Variants in PRKCB observed in about 807,000 individuals in gnomAD.
PRKCB encodes the protein protein kinase C beta type.
Under a neutral mutation model 81.5 loss-of-function variants are expected in PRKCB, and 13 were observed. The observed-to-expected ratio is 0.16, with a 90% confidence interval of 0.10 to 0.25. The LOEUF (loss-of-function observed/expected upper bound fraction) is 0.25, where lower values mean the gene tolerates loss of function less well. PRKCB is among the 10% of genes least tolerant of loss of function. The probability of loss-of-function intolerance (pLI) is 1.00; values close to 1 mark genes in which losing one functional copy is unlikely to be tolerated. For synonymous variants in PRKCB, 335 were observed against 321.4 expected, an observed-to-expected ratio of 1.04 and a Z score of -0.45; for missense variants, 509 against 875.7, an observed-to-expected ratio of 0.58 and a Z score of 5.29.
chr16:23,922,979 T>G (rs1434712366), intron 2 of PRKCB, among the ~76,000 whole-genome samples: 1 of 152,074 alleles, frequency 6.6e-6, no homozygotes, highest in African/African-American at 2.4e-5. Flanking sequence ...TAGAGTTACC[T>G]TTTTTTCCTG....
chr16:23,954,868 A>G (rs953626938), intron 2 of PRKCB, among the ~76,000 whole-genome samples: 1 of 152,174 alleles, frequency 6.6e-6, no homozygotes, highest in African/African-American at 2.4e-5. Flanking sequence ...TCTGGACAAC[A>G]CGATGAAACC....
intron 5 of PRKCB, among the ~76,000 whole-genome samples, chr16:24,084,466 T>C (rs1416355221): frequency 1.3e-5 from 2 of 152,114 alleles, no homozygotes; most frequent in Admixed American, 1.3e-4. Flanking sequence ...TTTGTCAGTC[T>C]TGGACAGATA....
At chr16:24,003,921 A>G (rs887198434) in intron 3 of PRKCB, among the ~76,000 whole-genome samples, 7 of 152,232 alleles carry the variant, frequency 4.6e-5, no homozygotes, top group Non-Finnish European at 8.8e-5. Flanking sequence ...TAAAGTTGGC[A>G]TAAAAAGTAA....
At chr16:24,038,574 A>T (rs1965654370) in intron 5 of PRKCB, among the ~76,000 whole-genome samples, 1 of 152,240 alleles carries the variant, frequency 6.6e-6, no homozygotes. Context: ...GCAATTGCCC[A>T]TACACCATGC....
intron 9 of PRKCB, among the ~76,000 whole-genome samples, chr16:24,153,813 T>G (rs1019168119): frequency 5.9e-5 from 9 of 152,206 alleles, no homozygotes; most frequent in Non-Finnish European, 1.2e-4. Context: ...TGTAATTAAT[T>G]TGCAAAATAT....
chr16:23,967,470 G>T (rs1964503264), intron 2 of PRKCB, among the ~76,000 whole-genome samples: 1 of 152,190 alleles, frequency 6.6e-6, no homozygotes, highest in African/African-American at 2.4e-5. Context: ...TTTCAAAGTG[G>T]AGAAGTAATT....
intron 16 of PRKCB, among the ~76,000 whole-genome samples, chr16:24,206,304 A>G (rs573841836): frequency 7.9e-5 from 12 of 152,220 alleles, no homozygotes; most frequent in African/African-American, 1.2e-4. Flanking sequence ...TGGAAGGCAT[A>G]GGAACGACCC....
chr16:24,109,006 A>ATGGGG lies in PRKCB; in HGVS notation c.822-3967_822-3966insTGGGG, dbSNP rs1287393408. ...ACTGACCCCCCCACCTCCCTCCCGG[A>ATGGGG]CGGGGCGGCTGGCCGGGCGGGGGGC... On this transcript the variant is annotated intron_variant, in intron 7 of 16. Coordinates refer to ENST00000643927, the MANE Select transcript of PRKCB (RefSeq NM_002738.7). Among the ~76,000 whole-genome samples the ATGGGG allele has an allele frequency of 3.2e-3, 455 of 141,806 alleles. 5 individuals carry two copies. The highest frequency in any genetic ancestry group is 0.011 in the African/African-American group (420 of 37,042). The allele number at this position is 141,806 out of a possible 152,430, so 93.0% of individuals were successfully genotyped here. A position where few individuals can be genotyped will look rare whatever the true frequency, so the allele number is the denominator to read the frequency against.
At chr16:24,128,099 A>G (rs1411104548) in intron 9 of PRKCB, among the ~76,000 whole-genome samples, 1 of 146,936 alleles carries the variant, frequency 6.8e-6, no homozygotes, top group Non-Finnish European at 1.5e-5. Context: ...CCTAATGGCC[A>G]GGTGCGGTGG....
intron 5 of PRKCB, among the ~76,000 whole-genome samples, chr16:24,056,763 G>C (rs908342224): frequency 4.6e-5 from 7 of 152,152 alleles, no homozygotes; most frequent in African/African-American, 9.7e-5. Flanking sequence ...AGCTTCCTGA[G>C]TCCCTCACCA....
At chr16:23,897,561 T>C (rs879558507) in intron 2 of PRKCB, among the ~76,000 whole-genome samples, 3 of 152,196 alleles carry the variant, frequency 2.0e-5, no homozygotes, top group African/African-American at 7.2e-5. Flanking sequence ...TGGGTTCTCT[T>C]AGGCACGTTG....
At chr16:23,888,670 T>TTTA (rs2141115012) in intron 2 of PRKCB, among the ~76,000 whole-genome samples, 1 of 152,304 alleles carries the variant, frequency 6.6e-6, no homozygotes, top group African/African-American at 2.4e-5. Flanking sequence ...TCGTCATGTT[T>TTTA]CTCGACCACA....
rs542728240 is a variant in PRKCB, at chr16:24,029,847, A to C, written c.289-2289A>C. Among the ~76,000 whole-genome samples the C allele has an allele frequency of 9.8e-5, 15 of 152,360 alleles. No homozygotes were observed. The South Asian group carries it at 3.1e-3, about 32-fold the overall frequency. On this transcript the variant is annotated intron_variant, in intron 3 of 16. Transcript: ENST00000643927. ...GTACCAAAGGCTAGGGTGTCAGATC[A>C]GCCCTGGATTGGAACCTAAGGCCCA...
chr16:23,875,617 C>T (rs868728326), intron 2 of PRKCB, among the ~76,000 whole-genome samples: 4 of 33,088 alleles, frequency 1.2e-4, no homozygotes, highest in Non-Finnish European at 2.7e-4. Context: ...ATATCACACA[C>T]ATATATGTAT....
At position 23,973,734 on chromosome 16, in the gene PRKCB, G is replaced by A. The variant is rs150344786; in HGVS notation, c.206-14774G>A. ...CTCACTCTGTTGCCCAGGCTGGAGTGCATTGGCATGATCACGGCTCACTGC... is the reference window on the plus strand; with the variant it reads ...CTCACTCTGTTGCCCAGGCTGGAGTACATTGGCATGATCACGGCTCACTGC... On this transcript the variant is annotated intron_variant, in intron 2 of 16. Transcript: ENST00000643927. Among the ~76,000 whole-genome samples, 913 of 152,194 alleles carry A rather than the reference G, an allele frequency of 6.0e-3. 5 individuals carry two copies. Among genetic ancestry groups the A allele is most frequent in the African/African-American group, 0.021 (877 of 41,514 alleles).
chr16:23,951,476 G>T (rs1226098051), intron 2 of PRKCB, among the ~76,000 whole-genome samples: 2 of 151,868 alleles, frequency 1.3e-5, no homozygotes, highest in Non-Finnish European at 2.9e-5. Context: ...CCAGGCTGGG[G>T]TACAGTGTCC....
At chr16:24,035,341 C>G in intron 4 of PRKCB, 78 bp from the exon 5 acceptor site, 2 of 1,533,792 alleles carry the variant, frequency 1.3e-6, no homozygotes, top group Non-Finnish European at 1.8e-6. Context: ...AAGGGCTCAG[C>G]GGTCTTGGGT....
intron 13 of PRKCB, among the ~76,000 whole-genome samples, chr16:24,183,034 A>G (rs1425261033): frequency 6.6e-6 from 1 of 151,368 alleles, no homozygotes; most frequent in Admixed American, 6.6e-5. Context: ...TTTTTTTTGT[A>G]TTTTTTTAGT....
At chr16:23,921,449 C>G (rs537881798) in intron 2 of PRKCB, among the ~76,000 whole-genome samples, 8 of 152,220 alleles carry the variant, frequency 5.3e-5, no homozygotes, top group Admixed American at 2.0e-4. Context: ...CGTGAGGAGA[C>G]AGCCTGATCG....
Sources: allele counts gnomAD v4.1 joint callset (sites outside exome capture counted in the v4.1 genomes callset), GRCh38; gene constraint gnomAD v4.1.1; transcripts MANE v1.5; gene names NCBI Gene and HGNC (gene_info 2026-07-23, HGNC 2026-07-21).